Variants in ITPR2 observed in about 807,000 individuals in gnomAD.
The protein encoded by ITPR2 is inositol 1,4,5-trisphosphate-gated calcium channel ITPR2.
Under a neutral mutation model 317.1 loss-of-function variants are expected in ITPR2, and 207 were observed. The ratio of observed to expected loss-of-function variants is 0.65; its 90% CI spans 0.58 to 0.73. The LOEUF (loss-of-function observed/expected upper bound fraction) is 0.73, where lower values mean the gene tolerates loss of function less well. Among genes scored for constraint, ITPR2 ranks in the 30% least tolerant of loss-of-function variants. The probability of loss-of-function intolerance (pLI) is 0.00; values close to 1 mark genes in which losing one functional copy is unlikely to be tolerated. For missense variants in ITPR2, 2,613 were observed against 3,284.0 expected, an observed-to-expected ratio of 0.80 and a Z score of 4.99; for synonymous variants, 1,156 against 1,149.1, an observed-to-expected ratio of 1.01 and a Z score of -0.12.
At chr12:26,506,959 A>G (rs1389028722) in intron 37 of ITPR2, among the ~76,000 whole-genome samples, 1 of 152,218 alleles carries the variant, frequency 6.6e-6, no homozygotes, top group African/African-American at 2.4e-5. Context: ...GAAGATAAAG[A>G]TAATTCTTTT....
chr12:26,709,294 C>T lies in ITPR2; in HGVS notation c.951+1879G>A, dbSNP rs1330948967. On this transcript the variant is annotated intron_variant, in intron 9 of 56. Transcript: ENST00000381340. ...GTGCTTAATACTTAATTTTCCTCCTCCCACTAGACCATAAAAAAGATGTTA... is the reference window on the plus strand; with the variant it reads ...GTGCTTAATACTTAATTTTCCTCCTTCCACTAGACCATAAAAAAGATGTTA... Among the ~76,000 whole-genome samples, 3 of 152,282 alleles carry T rather than the reference C, an allele frequency of 2.0e-5. No individual in the cohort carries two copies. The East Asian group carries it at 5.8e-4, about 29-fold the overall frequency.
intron 54 of ITPR2, among the ~76,000 whole-genome samples, chr12:26,395,720 G>A (rs980322572): frequency 6.6e-6 from 1 of 152,146 alleles, no homozygotes; most frequent in Non-Finnish European, 1.5e-5. Flanking sequence ...GCCCCATAAC[G>A]CTATACCCTT....
At chr12:26,682,256 T>C (rs1948048668) in intron 12 of ITPR2, among the ~76,000 whole-genome samples, 2 of 152,160 alleles carry the variant, frequency 1.3e-5, no homozygotes, top group Non-Finnish European at 2.9e-5. Context: ...ACTTCTCCCT[T>C]TCACACTTGC....
chr12:26,431,243 T>A (rs1053726838), intron 48 of ITPR2, among the ~76,000 whole-genome samples: 3 of 152,146 alleles, frequency 2.0e-5, no homozygotes, highest in Non-Finnish European at 2.9e-5. Flanking sequence ...TATAATTTTT[T>A]AAAATCACAT....
intron 2 of ITPR2, among the ~76,000 whole-genome samples, chr12:26,730,403 T>C (rs944449228): frequency 5.3e-5 from 8 of 152,202 alleles, no homozygotes; most frequent in African/African-American, 1.7e-4. Context: ...AAAAATGTTT[T>C]ATGGAGTTCA....
intron 54 of ITPR2, among the ~76,000 whole-genome samples, chr12:26,388,388 G>C (rs756323781): frequency 6.6e-6 from 1 of 152,176 alleles, no homozygotes; most frequent in Non-Finnish European, 1.5e-5. Flanking sequence ...GAAGAAACCA[G>C]GAAACTGAAA....
intron 37 of ITPR2, among the ~76,000 whole-genome samples, chr12:26,526,224 A>G (rs1943805504): frequency 6.6e-6 from 1 of 152,356 alleles, no homozygotes; most frequent in Non-Finnish European, 1.5e-5. Flanking sequence ...AAATGAATAA[A>G]TGTTGTAATA....
Position 26,486,238 on chromosome 12 carries a change from A to G in ITPR2, c.5677T>C (p.Cys1893Arg). 1 of 1,614,160 alleles carries G rather than the reference A, an allele frequency of 6.2e-7. No homozygotes were observed. Among genetic ancestry groups the G allele is most frequent in the African/African-American group, 1.3e-5 (1 of 75,044 alleles). The change falls in exon 41 of 57, where the codon TGC becomes CGC. Residue 1893 changes from cysteine to arginine, a missense_variant. Coordinates refer to ENST00000381340, the MANE Select transcript of ITPR2 (RefSeq NM_002223.4). ...GTGTTTCCCGCTTCTGGTCCTGTGC[A>G]CATAATGTCTATTTCTGGATCCATT... is the stretch of plus-strand genomic sequence containing the variant. ...REMDPEIDIMCTGPEAGNTEE... is the reference protein window; with the variant it reads ...REMDPEIDIMRTGPEAGNTEE...
chr12:26,624,262 T>G (rs1371823986), intron 24 of ITPR2, 37 bp downstream of exon 24: 2 of 1,360,746 alleles, frequency 1.5e-6, no homozygotes, highest in South Asian at 1.2e-5. Context: ...AAAATGTTAT[T>G]CACAAGTAAG....
At chr12:26,817,197 AAAAAAG>A (rs1207042194) in intron 1 of ITPR2, among the ~76,000 whole-genome samples, 3 of 150,892 alleles carry the variant, frequency 2.0e-5, no homozygotes, top group Non-Finnish European at 4.4e-5. Context: ...AAAAAAAAAA[AAAAAAG>A]GGCAGTACGA....
intron 10 of ITPR2, among the ~76,000 whole-genome samples, chr12:26,691,788 C>T (rs895517548): frequency 7.2e-5 from 11 of 151,970 alleles, no homozygotes; most frequent in Admixed American, 1.3e-4. Flanking sequence ...CTGTAAGAAA[C>T]GTCTGCATTT....
chr12:26,727,275 T>A (rs1229654926), intron 2 of ITPR2, among the ~76,000 whole-genome samples: 2 of 152,162 alleles, frequency 1.3e-5, no homozygotes, highest in African/African-American at 4.8e-5. Context: ...TGCTCCCAAT[T>A]TAATACAGCA....
At chr12:26,560,279 C>G (rs1002334818) in intron 35 of ITPR2, among the ~76,000 whole-genome samples, 1 of 152,180 alleles carries the variant, frequency 6.6e-6, no homozygotes, top group African/African-American at 2.4e-5. Context: ...CTACCCTTAG[C>G]CTCTCATAGG....
intron 35 of ITPR2, among the ~76,000 whole-genome samples, chr12:26,558,593 C>T (rs1944727463): frequency 1.3e-5 from 2 of 152,198 alleles, no homozygotes; most frequent in Admixed American, 6.5e-5. Context: ...ACACTTTCTG[C>T]TCTTGACTTC....
intron 45 of ITPR2, among the ~76,000 whole-genome samples, chr12:26,462,154 C>CTTTTGTTTTGTTTTG (rs71069237): frequency 0.54 from 81,437 of 149,524 alleles, 25,720 homozygotes; most frequent in Non-Finnish European, 0.7. Flanking sequence ...ACAAGGAAAA[C>CTTTTGTTTTGTTTTG]TTTTGTTTTG....
chr12:26,661,414 G>C (rs1947501463), intron 15 of ITPR2, among the ~76,000 whole-genome samples: 1 of 152,008 alleles, frequency 6.6e-6, no homozygotes, highest in Non-Finnish European at 1.5e-5. Context: ...GACCTTGAGA[G>C]ACAGAACTGA....
At chr12:26,807,636 G>A (rs1950661434) in intron 1 of ITPR2, among the ~76,000 whole-genome samples, 1 of 152,104 alleles carries the variant, frequency 6.6e-6, no homozygotes. Flanking sequence ...ACATATGTTG[G>A]TATTTATTCT....
Position 26,666,000 on chromosome 12 carries a change from A to T in ITPR2, c.1461T>A (p.Pro487=). 2 of 1,612,990 alleles carry T rather than the reference A, an allele frequency of 1.2e-6. No homozygotes were observed. The highest frequency in any genetic ancestry group is 2.2e-5 in the South Asian group (2 of 91,020). ...EDLIFFVADV[P]NNGQEVLDVV... ...CATCCAGAACTTCTTGTCCATTATT[A>T]GGCACATCAGCAACAAAGAATATGA... The change falls in exon 14 of 57, where the codon CCT becomes CCA. Residue 487 remains proline, a synonymous_variant. Transcript: ENST00000381340.
At chr12:26,622,557 A>T in intron 24 of ITPR2, 152 bp from the exon 25 acceptor site, 1 of 585,484 alleles carries the variant, frequency 1.7e-6, no homozygotes, top group Non-Finnish European at 2.8e-6. Flanking sequence ...TTCCTCATGT[A>T]ACTGATGAGG....
Sources: allele counts gnomAD v4.1 joint callset (sites outside exome capture counted in the v4.1 genomes callset), GRCh38; gene constraint gnomAD v4.1.1; transcripts MANE v1.5; gene names NCBI Gene and HGNC (gene_info 2026-07-23, HGNC 2026-07-21).